The following NRXN3 variants were observed in gnomAD, a reference collection of about 807,000 sequenced individuals.
The protein encoded by NRXN3 is neurexin 3.
In NRXN3, 32 loss-of-function variants were observed where a neutral mutation model predicts 137.6. The ratio of observed to expected loss-of-function variants is 0.23; its 90% confidence interval spans 0.18 to 0.31. The LOEUF (loss-of-function observed/expected upper bound fraction) is 0.31. NRXN3 is among the 10% of genes least tolerant of loss of function. The probability of loss-of-function intolerance (pLI) is 1.00; values close to 1 mark genes in which losing one functional copy is unlikely to be tolerated. For missense variants in NRXN3, 1,574 were observed against 2,062.5 expected (o/e 0.76, Z 4.59); for synonymous variants, 798 against 784.5 (o/e 1.02, Z -0.29).
At chr14:79,077,492 A>T (rs1221541907) in intron 15 of NRXN3, among the ~76,000 whole-genome samples, 2 of 152,220 alleles carry the variant, frequency 1.3e-5, no homozygotes, top group Admixed American at 1.3e-4. Flanking sequence ...ATAATAAATT[A>T]CTATCCTTGT....
intron 15 of NRXN3, among the ~76,000 whole-genome samples, chr14:79,140,824 C>T (rs1326163806): frequency 1.3e-5 from 2 of 152,080 alleles, no homozygotes; most frequent in Non-Finnish European, 2.9e-5. Flanking sequence ...AAACCTTGTC[C>T]TTATTACTAC....
At chr14:78,398,214 CAAAAAAAAAAAAA>C (rs55841376) in intron 4 of NRXN3, among the ~76,000 whole-genome samples, 3 of 128,206 alleles carry the variant, frequency 2.3e-5, no homozygotes, top group Non-Finnish European at 3.3e-5. Context: ...AACTCTGTTT[CAAAAAAAAAAAAA>C]AAAAAAAAAG....
At chr14:79,768,188 A>C (rs7146230) in intron 19 of NRXN3, among the ~76,000 whole-genome samples, 1 of 152,014 alleles carries the variant, frequency 6.6e-6, no homozygotes, top group Non-Finnish European at 1.5e-5. Flanking sequence ...CAGCAGCCAG[A>C]CTGGGGGAGG....
chr14:78,594,421 A>G (rs1318653704), intron 4 of NRXN3, among the ~76,000 whole-genome samples: 1 of 152,162 alleles, frequency 6.6e-6, no homozygotes, highest in African/African-American at 2.4e-5. Context: ...CTGTTCTTCA[A>G]TGGGGATCTC....
At chr14:79,097,905 A>G (rs1375545673) in intron 15 of NRXN3, among the ~76,000 whole-genome samples, 1 of 152,126 alleles carries the variant, frequency 6.6e-6, no homozygotes, top group Non-Finnish European at 1.5e-5. Context: ...CAAATAAATG[A>G]TATACATACG....
chr14:79,348,461 C>T (rs1452204510), intron 15 of NRXN3, among the ~76,000 whole-genome samples: 5 of 150,894 alleles, frequency 3.3e-5, no homozygotes, highest in African/African-American at 9.7e-5. Context: ...CTGCAAGCTC[C>T]GCCTCCCGGG....
intron 15 of NRXN3, among the ~76,000 whole-genome samples, chr14:79,130,896 C>G (rs1157145292): frequency 6.6e-6 from 1 of 152,038 alleles, no homozygotes; most frequent in African/African-American, 2.4e-5. Flanking sequence ...TCTTTTTTCT[C>G]TAAACTTCCC....
Position 78,967,212 on chromosome 14 carries a change from A to G in NRXN3, c.2782A>G (p.Ile928Val), listed in dbSNP as rs761698904. 9 of 1,606,278 alleles carry G rather than the reference A, an allele frequency of 5.6e-6. No individual in the cohort carries two copies. The highest frequency in any genetic ancestry group is 1.1e-5 in the South Asian group (1 of 90,328). Reference protein sequence around the residue: ...FIAVELVKGYIHYVFDLGNGP... With the variant: ...FIAVELVKGYVHYVFDLGNGP... Reference sequence around the variant, plus strand: ...TTTTTTTTTTTTTCTTCCTAGGTATATACACTACGTTTTTGACCTCGGAAA... The same window carrying G: ...TTTTTTTTTTTTTCTTCCTAGGTATGTACACTACGTTTTTGACCTCGGAAA... Residue 928 changes from isoleucine to valine, a missense_variant, in exon 13 of 21, where the codon ATA becomes GTA. Ile to Val is a conservative substitution (Grantham distance 29, BLOSUM62 3). This residue lies in a region of NRXN3 where 718 missense variants were observed against 887.6 expected (regional missense o/e 0.81). Transcript: ENST00000335750.
chr14:79,500,236 CAAAAAAA>C (rs34976297), intron 16 of NRXN3, among the ~76,000 whole-genome samples: 7 of 88,422 alleles, frequency 7.9e-5, no homozygotes, highest in African/African-American at 2.8e-4. Flanking sequence ...AAAAAGAAGG[CAAAAAAA>C]AAAAAAAAAA....
chr14:79,031,043 C>T (rs2099607476), intron 15 of NRXN3, among the ~76,000 whole-genome samples: 1 of 152,072 alleles, frequency 6.6e-6, no homozygotes, highest in Non-Finnish European at 1.5e-5. Context: ...CCCCTTTCTG[C>T]CTTTCTTTTG....
chr14:79,571,129 T>C (rs1156715929), intron 16 of NRXN3, among the ~76,000 whole-genome samples: 1 of 152,176 alleles, frequency 6.6e-6, no homozygotes. Context: ...TTCTTCCCTA[T>C]GCTGGTGTGG....
In NRXN3 at chr14:78,634,647, G is replaced by A. The variant is rs558880128; in HGVS notation, c.758-10473G>A. Among the ~76,000 whole-genome samples, 20 of 152,146 alleles carry A rather than the reference G, an allele frequency of 1.3e-4. 1 individual carries two copies. The highest frequency in any genetic ancestry group is 6.5e-4 in the Admixed American group (10 of 15,276). On this transcript the variant is annotated intron_variant, in intron 4 of 20. Coordinates refer to ENST00000335750, the MANE Select transcript of NRXN3 (RefSeq NM_001330195.2). The stretch of plus-strand genomic sequence containing the variant: ...CAAATCTTAATGTTTTGCCATTTTT[G>A]CTTTATATCTTTTTGTAAAGACTTA...
At chr14:78,834,922 G>C (rs2098992148) in intron 10 of NRXN3, among the ~76,000 whole-genome samples, 1 of 151,850 alleles carries the variant, frequency 6.6e-6, no homozygotes, top group African/African-American at 2.4e-5. Flanking sequence ...TTTTTGTGTT[G>C]CAGACTCTTC....
chr14:79,262,969 G>T (rs563263654), intron 15 of NRXN3, among the ~76,000 whole-genome samples: 2 of 152,246 alleles, frequency 1.3e-5, no homozygotes, highest in South Asian at 4.2e-4. Flanking sequence ...GAGGTTAGGG[G>T]ATTTCACACT....
At chr14:79,525,038 T>C (rs1364069756) in intron 16 of NRXN3, among the ~76,000 whole-genome samples, 1 of 152,158 alleles carries the variant, frequency 6.6e-6, no homozygotes, top group East Asian at 1.9e-4. Context: ...GTCAGGCAGT[T>C]TCTGCGTGGT....
At chr14:78,678,309 A>G in intron 6 of NRXN3, among the ~76,000 whole-genome samples, 1 of 149,092 alleles carries the variant, frequency 6.7e-6, no homozygotes, top group East Asian at 1.9e-4. Context: ...CTGTTACTTC[A>G]TGCTCCATAC....
chr14:79,437,539 T>C (rs1474824986), intron 15 of NRXN3, among the ~76,000 whole-genome samples: 4 of 152,170 alleles, frequency 2.6e-5, no homozygotes, highest in East Asian at 1.9e-4. Flanking sequence ...AATGCAGCCA[T>C]GTCAGATTGA....
chr14:79,428,459 A>G (rs1267819811), intron 15 of NRXN3, among the ~76,000 whole-genome samples: 1 of 152,188 alleles, frequency 6.6e-6, no homozygotes, highest in East Asian at 1.9e-4. Flanking sequence ...TGTAGGTTGT[A>G]TATACAGGAT....
rs181020961 is a variant in NRXN3 at position 79,458,145 on chromosome 14, C to T, written c.3263-9076C>T. 1.6e-4 allele frequency among the ~76,000 whole-genome samples: 25 copies of T among 152,212 alleles called. 1 individual carries two copies. In the East Asian group the frequency reaches 4.6e-3, roughly 28 times the overall value. On this transcript the variant is annotated intron_variant, in intron 15 of 20. Transcript: ENST00000335750. ...TCCCTGTTAGGTTAAATCTGAGATG[C>T]ACTTATCTATTTATTTTTACAAAAA...
Sources: allele counts gnomAD v4.1 joint callset (sites outside exome capture counted in the v4.1 genomes callset), GRCh38; gene constraint gnomAD v4.1.1; regional missense constraint gnomAD v4.1.1; transcripts MANE v1.5; gene names NCBI Gene and HGNC (gene_info 2026-07-23, HGNC 2026-07-21).